FAM227A: variants seen among roughly 807,000 people sequenced by gnomAD.
The protein encoded by FAM227A is family with sequence similarity 227 member A, also known as protein FAM227A.
FAM227A carries 80 observed loss-of-function variants against 74.7 expected under a neutral mutation model. The ratio of observed to expected loss-of-function variants is 1.07; its 90% confidence interval spans 0.89 to 1.29. The LOEUF (loss-of-function observed/expected upper bound fraction) is 1.29, where lower values mean the gene tolerates loss of function less well. FAM227A is among the 50% of genes most tolerant of loss of function. The pLI, the probability that FAM227A is intolerant of heterozygous loss-of-function variation, is 0.00. For synonymous variants in FAM227A, 237 were observed against 241.8 expected (o/e 0.98, Z 0.19); for missense variants, 654 against 683.4 (o/e 0.96, Z 0.48).
At chr22:38,606,955 G>A (rs547832898) in intron 12 of FAM227A, among the ~76,000 whole-genome samples, 149 of 152,208 alleles carry the variant, frequency 9.8e-4, no homozygotes, top group Admixed American at 2.6e-3. Flanking sequence ...GAGGCGGGAG[G>A]ATCATGAGGT....
chr22:38,647,551 T>G (rs1020841967), intron 2 of FAM227A, among the ~76,000 whole-genome samples: 13 of 152,180 alleles, frequency 8.5e-5, no homozygotes, highest in Admixed American at 8.5e-4. Flanking sequence ...AGTATTTCTT[T>G]ATGAGAGATT....
chr22:38,601,728 T>C (rs2091182815), intron 13 of FAM227A, among the ~76,000 whole-genome samples: 2 of 151,934 alleles, frequency 1.3e-5, no homozygotes, highest in Non-Finnish European at 2.9e-5. Flanking sequence ...TTACAACATA[T>C]GATAAAGGAG....
chr22:38,612,648 C>G lies in FAM227A; in HGVS notation c.1039-5172G>C, dbSNP rs562223849. Among the ~76,000 whole-genome samples the G allele has an allele frequency of 7.2e-5, 11 of 152,260 alleles. No individual in the cohort carries two copies. The South Asian group carries it at 1.0e-3, about 14-fold the overall frequency. ...AGGCTCTACCTGCAGATGCACCACC[C>G]CTGCCTGAGATTTCAAGATGGAAAT... On this transcript the variant is annotated intron_variant, in intron 11 of 16. Transcript: ENST00000535113.
rs2090684344 is a variant in FAM227A, at chr22:38,579,019, G to A, written c.*7106C>T. The A allele has an allele frequency of 6.6e-6, 1 of 152,192 alleles. No individual in the cohort carries two copies. Among genetic ancestry groups the A allele is most frequent in the African/African-American group, 2.4e-5 (1 of 41,436 alleles). 9.4% of individuals were successfully genotyped at this position (152,192 alleles called of 1,614,324 possible). ...TCACCCCTATTTACACGATGGAACT[G>A]GGGCACCAGGAGGTTAAGTAACTTG... On this transcript the variant is annotated 3_prime_UTR_variant, in exon 17 of 17. Coordinates refer to ENST00000535113, the MANE Select transcript of FAM227A (RefSeq NM_001013647.2).
rs539873683 is a variant in FAM227A at position 38,626,307 on chromosome 22, C to T, written c.727-4G>A. 3.1e-4 allele frequency: 476 copies of T among 1,550,014 alleles called. 1 individual carries two copies. The highest frequency in any genetic ancestry group is 4.8e-4 in the African/African-American group (35 of 73,102). On this transcript the variant is annotated splice_polypyrimidine_tract_variant and splice_region_variant and intron_variant, in intron 8 of 16. Coordinates refer to ENST00000535113, the MANE Select transcript of FAM227A (RefSeq NM_001013647.2). ...TGCTGAGAAGTGATGGCAGCCTCTG[C>T]GGAGCAAGCCGAGCTCAGGCAACGT...
At chr22:38,645,118 G>T (rs1358466218) in intron 3 of FAM227A, among the ~76,000 whole-genome samples, 1 of 151,730 alleles carries the variant, frequency 6.6e-6, no homozygotes, top group African/African-American at 2.4e-5. Flanking sequence ...TTGGCCGGGC[G>T]CGGTGGCTCA....
chr22:38,597,138 G>C lies in FAM227A; in HGVS notation c.1532+66C>G. The stretch of plus-strand genomic sequence containing the variant: ...CTGCCCCACCAACCCATTTAAAAAT[G>C]ATGATGATCGTGTGCTGCAAAAGAT... On this transcript the variant is annotated intron_variant, in intron 15 of 16. Coordinates refer to ENST00000535113, the MANE Select transcript of FAM227A (RefSeq NM_001013647.2). The C allele has an allele frequency of 2.0e-6, 3 of 1,470,918 alleles. 1 individual carries two copies. The East Asian group carries it at 7.4e-5, about 36-fold the overall frequency. 91.1% of individuals were successfully genotyped at this position (1,470,918 alleles called of 1,614,324 possible). A position where few individuals can be genotyped will look rare whatever the true frequency, so the allele number is the denominator to read the frequency against.
At chr22:38,586,763 G>C (rs558456039) in intron 16 of FAM227A, among the ~76,000 whole-genome samples, 6 of 152,210 alleles carry the variant, frequency 3.9e-5, no homozygotes, top group African/African-American at 1.2e-4. Flanking sequence ...CTGACTCCCG[G>C]GTTCAAGTGA....
intron 1 of FAM227A, among the ~76,000 whole-genome samples, chr22:38,653,640 G>A (rs1475532203): frequency 6.6e-6 from 1 of 152,098 alleles, no homozygotes; most frequent in Non-Finnish European, 1.5e-5. Context: ...CTCCCAAAGT[G>A]CTGGGATTAC....
chr22:38,651,836 CCTT>C (rs1247998411), intron 1 of FAM227A, among the ~76,000 whole-genome samples: 3 of 152,150 alleles, frequency 2.0e-5, no homozygotes, highest in East Asian at 1.9e-4. Flanking sequence ...GAGTAAGAAA[CCTT>C]CTGCCCTCAT....
intron 15 of FAM227A, among the ~76,000 whole-genome samples, chr22:38,594,691 G>A (rs1256366496): frequency 3.3e-5 from 5 of 152,148 alleles, no homozygotes; most frequent in African/African-American, 4.8e-5. Context: ...GGCCGGGTGC[G>A]GTGGCTCATG....
chr22:38,583,019 A>G lies in FAM227A; in HGVS notation c.*3106T>C. On this transcript the variant is annotated 3_prime_UTR_variant, in exon 17 of 17. Coordinates refer to ENST00000535113, the MANE Select transcript of FAM227A (RefSeq NM_001013647.2). ...GCAGCAACAGACAAAAGATCCAGAA[A>G]TAGGAAAGTGTGGTTCCTAGAGAAA... The G allele has an allele frequency of 6.6e-7, 1 of 1,510,168 alleles. No individual in the cohort carries two copies. Among genetic ancestry groups the G allele is most frequent in the Non-Finnish European group, 9.0e-7 (1 of 1,112,928 alleles). 93.5% of individuals were successfully genotyped at this position (1,510,168 alleles called of 1,614,324 possible).
chr22:38,588,615 T>TAAAA (rs757871619), intron 16 of FAM227A, among the ~76,000 whole-genome samples: 1 of 47,846 alleles, frequency 2.1e-5, no homozygotes, highest in African/African-American at 8.5e-5. Flanking sequence ...TGACTCTGTC[T>TAAAA]AAAAAAAAAA....
chr22:38,625,027 A>G (rs1045050382), intron 9 of FAM227A, among the ~76,000 whole-genome samples: 3 of 152,096 alleles, frequency 2.0e-5, no homozygotes, highest in African/African-American at 7.2e-5. Context: ...CTTCCTATAA[A>G]TGGTAGCTTT....
chr22:38,613,212 CTATGCTGTATATATATTATATATATA>C, intron 11 of FAM227A, among the ~76,000 whole-genome samples: 2 of 54,708 alleles, frequency 3.7e-5, no homozygotes, highest in Non-Finnish European at 6.3e-5. Flanking sequence ...TTATATATAT[CTATGCTGTATATATATTATATATATA>C]ATATATAATA....
chr22:38,612,587 G>C (rs759287301), intron 11 of FAM227A, among the ~76,000 whole-genome samples: 1 of 152,136 alleles, frequency 6.6e-6, no homozygotes, highest in Non-Finnish European at 1.5e-5. Context: ...CAAGGTAAGA[G>C]ACTTAAGTTG....
At chr22:38,596,343 A>G (rs1449827811) in intron 15 of FAM227A, among the ~76,000 whole-genome samples, 1 of 152,090 alleles carries the variant, frequency 6.6e-6, no homozygotes, top group Non-Finnish European at 1.5e-5. Flanking sequence ...ACAAAATATA[A>G]TTTGTGATTC....
chr22:38,639,479 T>C (rs1448431402), intron 4 of FAM227A, 176 bp downstream of exon 4: 3 of 676,368 alleles, frequency 4.4e-6, no homozygotes, highest in Non-Finnish European at 7.9e-6. Flanking sequence ...GGTCTCTAAA[T>C]GGTACTGCCC....
At chr22:38,649,082 A>G (rs1447988935) in intron 2 of FAM227A, among the ~76,000 whole-genome samples, 1 of 152,190 alleles carries the variant, frequency 6.6e-6, no homozygotes, top group Admixed American at 6.6e-5. Context: ...TTTGGGAGAT[A>G]GAAGGGAAAG....
Sources: gnomAD v4.1 joint callset for allele counts (sites outside exome capture counted in the v4.1 genomes callset) on GRCh38, gnomAD v4.1.1 for gene constraint, MANE v1.5 for transcripts, NCBI Gene and HGNC (gene_info 2026-07-23, HGNC 2026-07-21) for gene names.